The following LAMA1 variants were observed in gnomAD, a reference collection of about 807,000 sequenced individuals.
LAMA1 encodes the protein laminin subunit alpha 1.
In LAMA1, 219 loss-of-function variants were observed where a neutral mutation model predicts 348.7. The ratio of observed to expected loss-of-function variants is 0.63; its 90% CI spans 0.56 to 0.70. The LOEUF (loss-of-function observed/expected upper bound fraction) is 0.70, where lower values mean the gene tolerates loss of function less well. Ranked by LOEUF, LAMA1 falls within the 30% of genes least tolerant of loss-of-function variation. LAMA1 has a pLI of 0.00. For missense variants in LAMA1, 3,744 were observed against 3,888.0 expected (o/e 0.96, Z 0.99); for synonymous variants, 1,487 against 1,491.0 (o/e 1.00, Z 0.06).
chr18:7,015,166 C>T (rs1488669261), intron 22 of LAMA1, among the ~76,000 whole-genome samples: 1 of 152,052 alleles, frequency 6.6e-6, no homozygotes, highest in Admixed American at 6.6e-5. Context: ...GATTTTCTAA[C>T]CATCAATGCA....
intron 1 of LAMA1, among the ~76,000 whole-genome samples, chr18:7,111,838 A>T (rs2143837554): frequency 6.6e-6 from 1 of 152,350 alleles, no homozygotes; most frequent in East Asian, 1.9e-4. Flanking sequence ...AACTTCAGCT[A>T]AGGTCTAAGT....
chr18:6,963,425 C>T (rs561258331), intron 51 of LAMA1, among the ~76,000 whole-genome samples: 38 of 152,276 alleles, frequency 2.5e-4, no homozygotes, highest in South Asian at 8.3e-4. Flanking sequence ...TGACCAACTC[C>T]GCTGAGGTTT....
chr18:7,110,977 A>C (rs2058333575), intron 1 of LAMA1, among the ~76,000 whole-genome samples: 1 of 118,444 alleles, frequency 8.4e-6, no homozygotes, highest in Non-Finnish European at 1.5e-5. Flanking sequence ...TGTCATAGAG[A>C]ATCTCCTGAA....
intron 24 of LAMA1, 75 bp from the exon 25 acceptor site, chr18:7,011,554 T>C (rs1409922175): frequency 1.5e-6 from 2 of 1,364,114 alleles, no homozygotes; most frequent in African/African-American, 1.4e-5. Context: ...TTAGATTCCA[T>C]CATTGTTTCA....
At chr18:6,946,797 A>G (rs1235581047) in intron 61 of LAMA1, among the ~76,000 whole-genome samples, 1 of 152,192 alleles carries the variant, frequency 6.6e-6, no homozygotes, top group Non-Finnish European at 1.5e-5. Flanking sequence ...CTCCCTGTAC[A>G]TTTCATTGCA....
intron 48 of LAMA1, 62 bp from the exon 49 acceptor site, chr18:6,966,359 C>T: frequency 3.5e-6 from 5 of 1,442,660 alleles, no homozygotes; most frequent in South Asian, 2.4e-5. Flanking sequence ...ACCAAGAACA[C>T]ACTTACTGAG....
chr18:6,966,785 C>G lies in LAMA1; in HGVS notation c.6900-488G>C, dbSNP rs188744953. Among the ~76,000 whole-genome samples the G allele has an allele frequency of 1.1e-3, 175 of 152,236 alleles. 1 individual carries two copies. The East Asian group carries it at 0.014, about 12-fold the overall frequency. The stretch of plus-strand genomic sequence containing the variant: ...TTCACAAAACAATCATCACTGACAT[C>G]CTCAAAAATCTGCAGGATGAGCTTA... On this transcript the variant is annotated intron_variant, in intron 48 of 62. Transcript: ENST00000389658.
rs2057675124 is a variant in LAMA1, at chr18:6,974,997, C to A, written c.6529G>T (p.Ala2177Ser). ...LAVEMRRGRV[A>S]FLWDLGSGST... Reference sequence around the variant, plus strand: ...CCGGAGCCCAGGTCCCACAGGAAGGCCACTCTCCCTCGCCGCATCTCCACT... The same window carrying A: ...CCGGAGCCCAGGTCCCACAGGAAGGACACTCTCCCTCGCCGCATCTCCACT... The change falls in exon 46 of 63, where the codon GCC (alanine) becomes TCC (serine). Residue 2177 changes from alanine (A) to serine (S), a missense_variant. Coordinates refer to ENST00000389658, the MANE Select transcript of LAMA1 (RefSeq NM_005559.4). 2 of 1,613,984 alleles carry A rather than the reference C, an allele frequency of 1.2e-6. No individual in the cohort carries two copies. The highest frequency in any genetic ancestry group is 1.7e-6 in the Non-Finnish European group (2 of 1,180,008).
rs2057719189 is a variant in LAMA1 at position 6,983,085 on chromosome 18, A to G, written c.5796+14T>C. 1.2e-6 allele frequency: 2 copies of G among 1,613,906 alleles called. No homozygotes were observed. Among genetic ancestry groups the G allele is most frequent in the African/African-American group, 2.7e-5 (2 of 74,906 alleles). ...CCCACAGAGCCCAGAAAAAGAAGCC[A>G]CGTCGTTTCCTACCAGGCTCGTCTC... On this transcript the variant is annotated intron_variant, in intron 40 of 62. Transcript: ENST00000389658.
chr18:7,116,816 T>TTC (rs151157428), intron 1 of LAMA1, among the ~76,000 whole-genome samples: 8,665 of 151,832 alleles, frequency 0.057, 732 homozygotes, highest in African/African-American at 0.18. Context: ...TCTTTTCTCT[T>TTC]TCTCTCTCTC....
chr18:6,984,972 T>C (rs1002096440), intron 39 of LAMA1, among the ~76,000 whole-genome samples: 4 of 152,248 alleles, frequency 2.6e-5, no homozygotes, highest in African/African-American at 9.6e-5. Context: ...TAGCATAATA[T>C]GTGTTTTATT....
chr18:7,053,615 C>T (rs537676353), intron 3 of LAMA1, among the ~76,000 whole-genome samples: 72 of 152,186 alleles, frequency 4.7e-4, no homozygotes, highest in African/African-American at 1.7e-3. Context: ...CCAGACAAAT[C>T]CTGGATTTGG....
intron 55 of LAMA1, among the ~76,000 whole-genome samples, chr18:6,957,668 C>A (rs1008493563): frequency 2.6e-5 from 4 of 152,296 alleles, no homozygotes; most frequent in South Asian, 2.1e-4. Context: ...CAGCTTGTGT[C>A]CCATCAGCAC....
intron 3 of LAMA1, among the ~76,000 whole-genome samples, chr18:7,077,225 G>A (rs9950573): frequency 0.058 from 7,849 of 134,932 alleles, 538 homozygotes; most frequent in East Asian, 0.23. Context: ...TTTTTGAGAC[G>A]GAGTCTCGCT....
chr18:7,057,215 T>TC, intron 3 of LAMA1, among the ~76,000 whole-genome samples: 1 of 151,712 alleles, frequency 6.6e-6, no homozygotes, highest in Non-Finnish European at 1.5e-5. Context: ...TACTGTCATT[T>TC]CCCCCCATTA....
rs202172989 is a variant in LAMA1 at position 6,999,540 on chromosome 18, C to T, written c.4568G>A (p.Arg1523His). The change falls in exon 32 of 63, where the codon CGC becomes CAC. Residue 1523 changes from arginine (R) to histidine (H), a missense_variant. Arg to His is a conservative substitution (Grantham distance 29). Coordinates refer to ENST00000389658, the MANE Select transcript of LAMA1 (RefSeq NM_005559.4). ...CCTGCAAACGCACTGCCCAGATGTG[C>T]GGTCACAGTCACCGTGGACAGAGCC... is the stretch of plus-strand genomic sequence containing the variant. The part of the protein sequence containing the change: ...PHGSVHGDCD[R>H]TSGQCVCRLG... The T allele has an allele frequency of 9.9e-5, 159 of 1,614,096 alleles. 1 individual carries two copies. The East Asian group carries it at 2.0e-3, about 20-fold the overall frequency.
Position 7,042,236 on chromosome 18 carries a change from C to G in LAMA1, c.1170G>C (p.Glu390Asp). 1 of 1,608,722 alleles carries G rather than the reference C, an allele frequency of 6.2e-7. No homozygotes were observed. The highest frequency in any genetic ancestry group is 1.1e-5 in the South Asian group (1 of 90,298). The change falls in exon 9 of 63, where the codon GAG (glutamate) becomes GAC (aspartate). Residue 390 changes from glutamate to aspartate, a missense_variant. Glu to Asp is a conservative substitution (Grantham distance 45). Around this residue, in one of 3 missense-constraint regions of LAMA1, gnomAD observed 1,529 missense variants for 1,689.4 expected, o/e 0.91. Transcript: ENST00000389658. ...YYRPHKVSPYEDEPCRPCNCD... is the reference protein window; with the variant it reads ...YYRPHKVSPYDDEPCRPCNCD... Reference sequence around the variant, plus strand: ...AATTACAGGGGCGGCAAGGCTCATCCTCATAAGGAGACACCTGAAAGGCAG... The same window carrying G: ...AATTACAGGGGCGGCAAGGCTCATCGTCATAAGGAGACACCTGAAAGGCAG...
At chr18:7,021,104 T>C (rs1179564485) in intron 19 of LAMA1, among the ~76,000 whole-genome samples, 3 of 152,196 alleles carry the variant, frequency 2.0e-5, no homozygotes. Context: ...CCTACTTGCC[T>C]GGGCCCGTCT....
intron 39 of LAMA1, 55 bp downstream of exon 39, chr18:6,985,182 T>G: frequency 1.3e-6 from 2 of 1,599,704 alleles, no homozygotes; most frequent in East Asian, 2.2e-5. Context: ...CATCCATCTA[T>G]TTCTCCGATC....
Sources: gnomAD v4.1 joint callset for allele counts (sites outside exome capture counted in the v4.1 genomes callset) on GRCh38, gnomAD v4.1.1 for gene constraint, gnomAD v4.1.1 regional missense constraint, MANE v1.5 for transcripts, NCBI Gene and HGNC (gene_info 2026-07-23, HGNC 2026-07-21) for gene names.